CDK14: variants seen among roughly 807,000 people sequenced by gnomAD.
CDK14 encodes cyclin dependent kinase 14, also known as cyclin-dependent kinase 14.
A neutral mutation model predicts 60.7 loss-of-function variants in CDK14; 34 were observed. The ratio of observed to expected loss-of-function variants is 0.56; its 90% CI spans 0.43 to 0.75. CDK14 has a LOEUF of 0.75. CDK14 is among the 30% of genes least tolerant of loss of function. The pLI is 0.00. For synonymous variants in CDK14, 197 were observed against 203.7 expected (o/e 0.97, Z 0.28); for missense variants, 482 against 564.1 (o/e 0.85, Z 1.47).
intron 2 of CDK14, among the ~76,000 whole-genome samples, chr7:90,655,798 G>T (rs1200541110): frequency 1.3e-5 from 2 of 152,116 alleles, no homozygotes; most frequent in South Asian, 2.1e-4. Flanking sequence ...CTGCCGAGGG[G>T]TCTGACATCT....
intron 6 of CDK14, among the ~76,000 whole-genome samples, chr7:90,887,660 G>A (rs938135623): frequency 6.6e-6 from 1 of 152,148 alleles, no homozygotes; most frequent in Non-Finnish European, 1.5e-5. Flanking sequence ...TCATGACCAT[G>A]TTTAAGAGTT....
At chr7:90,630,619 G>C (rs753543024) in intron 2 of CDK14, among the ~76,000 whole-genome samples, 36 of 152,142 alleles carry the variant, frequency 2.4e-4, no homozygotes, top group Non-Finnish European at 3.8e-4. Flanking sequence ...CTTAGTAGCA[G>C]TGATGTTTGT....
intron 2 of CDK14, among the ~76,000 whole-genome samples, chr7:90,606,054 C>T (rs890130757): frequency 1.3e-5 from 2 of 152,142 alleles, no homozygotes; most frequent in Non-Finnish European, 2.9e-5. Flanking sequence ...AAAGTGGCTT[C>T]CTTCCTCTGC....
At chr7:90,747,802 C>A (rs758831612) in intron 4 of CDK14, 27 bp downstream of exon 4, 1 of 1,272,826 alleles carries the variant, frequency 7.9e-7, no homozygotes, top group South Asian at 1.4e-5. Context: ...TGGAATATTT[C>A]ACATGTACAG....
chr7:90,980,807 A>T (rs1480724967), intron 9 of CDK14, among the ~76,000 whole-genome samples: 5 of 152,222 alleles, frequency 3.3e-5, no homozygotes, highest in African/African-American at 1.2e-4. Flanking sequence ...AAAATGCTAC[A>T]TCATTTCATT....
At chr7:90,791,647 A>G (rs1037088226) in intron 5 of CDK14, among the ~76,000 whole-genome samples, 2 of 152,132 alleles carry the variant, frequency 1.3e-5, no homozygotes, top group African/African-American at 2.4e-5. Flanking sequence ...CTCACCTCTT[A>G]TTCTCCTTTT....
chr7:90,751,067 CTAAG>C (rs1327641398), intron 4 of CDK14, among the ~76,000 whole-genome samples: 3 of 151,610 alleles, frequency 2.0e-5, no homozygotes, highest in Non-Finnish European at 4.4e-5. Context: ...ATTGGCATTC[CTAAG>C]TGAGACAGAG....
chr7:91,064,155 G>A (rs1797898603), intron 11 of CDK14, among the ~76,000 whole-genome samples: 1 of 152,236 alleles, frequency 6.6e-6, no homozygotes, highest in Non-Finnish European at 1.5e-5. Flanking sequence ...TGGAAAGAGA[G>A]TTGGGAGAGA....
intron 2 of CDK14, 120 bp from the exon 3 acceptor site, chr7:90,726,446 TG>T: frequency 8.0e-7 from 1 of 1,249,134 alleles, no homozygotes; most frequent in Non-Finnish European, 1.1e-6. Context: ...TTTTAGAATG[TG>T]GGCTTTTTGG....
intron 5 of CDK14, among the ~76,000 whole-genome samples, chr7:90,832,902 C>T (rs995527858): frequency 3.3e-5 from 5 of 152,180 alleles, no homozygotes; most frequent in African/African-American, 1.2e-4. Context: ...AGTCACATGG[C>T]TAGGGCCTTG....
At chr7:90,894,231 T>C (rs6957439) in intron 6 of CDK14, among the ~76,000 whole-genome samples, 14,416 of 152,232 alleles carry the variant, frequency 0.095, 821 homozygotes, top group Middle Eastern at 0.14. Flanking sequence ...AATATGAAAA[T>C]TGAACTAGGA....
intron 11 of CDK14, among the ~76,000 whole-genome samples, chr7:91,063,228 C>T (rs1797862113): frequency 6.6e-6 from 1 of 152,178 alleles, no homozygotes; most frequent in Non-Finnish European, 1.5e-5. Flanking sequence ...GCCATTATCA[C>T]ATAGCTCCTT....
chr7:90,701,340 G>A (rs537288882), intron 2 of CDK14, among the ~76,000 whole-genome samples: 2 of 152,316 alleles, frequency 1.3e-5, no homozygotes, highest in South Asian at 4.1e-4. Context: ...ATTGGTCAAA[G>A]CATTCAGGCT....
intron 12 of CDK14, among the ~76,000 whole-genome samples, chr7:91,104,205 T>G (rs1453841007): frequency 6.6e-6 from 1 of 152,048 alleles, no homozygotes; most frequent in African/African-American, 2.4e-5. Flanking sequence ...GCTCATTGAG[T>G]ACACCCCCAC....
intron 2 of CDK14, among the ~76,000 whole-genome samples, chr7:90,637,038 A>T (rs1683756974): frequency 6.6e-6 from 1 of 151,806 alleles, no homozygotes; most frequent in African/African-American, 2.4e-5. Flanking sequence ...TTTCTTTATT[A>T]GCCTTGCTAG....
At chr7:90,670,229 G>C (rs1326978280) in intron 2 of CDK14, among the ~76,000 whole-genome samples, 1 of 152,178 alleles carries the variant, frequency 6.6e-6, no homozygotes, top group Non-Finnish European at 1.5e-5. Flanking sequence ...ATTTTCGAAT[G>C]AGTTTCCAGT....
At chr7:90,847,417 AAGAAT>A (rs912891490) in intron 5 of CDK14, among the ~76,000 whole-genome samples, 1 of 152,164 alleles carries the variant, frequency 6.6e-6, no homozygotes, top group African/African-American at 2.4e-5. Context: ...TATAATATAA[AAGAAT>A]AGATTATCCA....
intron 4 of CDK14, among the ~76,000 whole-genome samples, chr7:90,762,999 G>A (rs1056718882): frequency 6.6e-6 from 1 of 152,102 alleles, no homozygotes; most frequent in Non-Finnish European, 1.5e-5. Context: ...CATAGCTGCA[G>A]TAGCCGTGTT....
chr7:90,663,198 T>G (rs1479408914), intron 2 of CDK14, among the ~76,000 whole-genome samples: 1 of 152,130 alleles, frequency 6.6e-6, no homozygotes, highest in Non-Finnish European at 1.5e-5. Flanking sequence ...GAAATCTCTC[T>G]CCATATAAAA....
Sources: allele counts gnomAD v4.1 joint callset (sites outside exome capture counted in the v4.1 genomes callset), GRCh38; gene constraint gnomAD v4.1.1; transcripts MANE v1.5; gene names NCBI Gene and HGNC (gene_info 2026-07-23, HGNC 2026-07-21).